Variants in SHTN1 observed in about 807,000 individuals in gnomAD.
SHTN1 encodes the protein shootin-1.
SHTN1 carries 42 observed loss-of-function variants against 83.1 expected under a neutral mutation model. The ratio of observed to expected loss-of-function variants is 0.51; its 90% CI spans 0.39 to 0.65. The LOEUF (loss-of-function observed/expected upper bound fraction) is 0.65, where lower values mean the gene tolerates loss of function less well. Ranked by LOEUF, SHTN1 falls within the 30% of genes least tolerant of loss-of-function variation. The pLI is 0.00. For synonymous variants in SHTN1, 224 were observed against 247.7 expected (o/e 0.90, Z 0.90); for missense variants, 622 against 737.8 (o/e 0.84, Z 1.82).
In SHTN1 at chr10:116,885,786, TG is replaced by T. The variant is rs1847146845; in HGVS notation, c.*557del. The T allele has an allele frequency of 1.3e-5, 2 of 154,042 alleles. No homozygotes were observed. The highest frequency in any genetic ancestry group is 4.8e-5 in the African/African-American group (2 of 41,370). The allele number at this position is 154,042 out of a possible 1,614,324, so 9.5% of individuals were successfully genotyped here. On this transcript the variant is annotated 3_prime_UTR_variant, in exon 17 of 17. Transcript: ENST00000355371. ...CAATGTGTGTAATTAACACTGACTA[TG>T]GGACTACGAGTTTGATGCCAGCTCC...
In SHTN1 at chr10:117,012,349, A is replaced by C. The variant is rs72833425; in HGVS notation, c.-122-33041T>G. On this transcript the variant is annotated intron_variant, in intron 2 of 17. Transcript: ENST00000392901. ...AGAACAAAGTTGGAGGACTCACGCT[A>C]CCTGATTTCCAAGACTAACTATAAA... is the stretch of plus-strand genomic sequence containing the variant. Among the ~76,000 whole-genome samples the C allele has an allele frequency of 9.9e-3, 1,505 of 152,258 alleles. 18 individuals carry two copies. The highest frequency in any genetic ancestry group is 0.024 in the South Asian group (115 of 4,832).
chr10:116,937,233 G>A (rs144144255), intron 9 of SHTN1, among the ~76,000 whole-genome samples: 103 of 152,224 alleles, frequency 6.8e-4, no homozygotes, highest in African/African-American at 2.3e-3. Context: ...TTTGCTATTA[G>A]GTTATGCAGT....
chr10:116,938,702 A>G (rs1025342061), intron 9 of SHTN1, among the ~76,000 whole-genome samples: 5 of 152,222 alleles, frequency 3.3e-5, no homozygotes, highest in Admixed American at 6.5e-5. Context: ...CTGCGCTGGG[A>G]AATCTGCTGC....
At chr10:116,953,091 A>G (rs1307217132) in intron 5 of SHTN1, among the ~76,000 whole-genome samples, 2 of 152,180 alleles carry the variant, frequency 1.3e-5, no homozygotes, top group African/African-American at 4.8e-5. Flanking sequence ...TTTCTTCTTT[A>G]TACTTCCAGT....
chr10:117,118,779 G>C (rs1383154557), intron 1 of SHTN1, among the ~76,000 whole-genome samples: 1 of 152,168 alleles, frequency 6.6e-6, no homozygotes, highest in Non-Finnish European at 1.5e-5. Context: ...GCCTGTTGGA[G>C]GATGGGTCTG....
chr10:116,881,669 G>A lies in SHTN1; in HGVS notation c.*4675C>T, dbSNP rs776086388. The A allele has an allele frequency of 8.4e-5, 128 of 1,518,858 alleles. 1 individual carries two copies. In the South Asian group the frequency reaches 1.5e-3, roughly 18 times the overall value. 94.1% of individuals were successfully genotyped at this position (1,518,858 alleles called of 1,614,324 possible). A position where few individuals can be genotyped will look rare whatever the true frequency, so the allele number is the denominator to read the frequency against. ...CCGAAACAGGAGCATCCTCTGGATA[G>A]GGCTGTACACACCCCAGGTTCCAGC... On this transcript the variant is annotated 3_prime_UTR_variant, in exon 17 of 17. Transcript: ENST00000355371.
intron 3 of SHTN1, among the ~76,000 whole-genome samples, chr10:116,961,357 T>C (rs1850180382): frequency 6.6e-6 from 1 of 152,172 alleles, no homozygotes; most frequent in Non-Finnish European, 1.5e-5. Flanking sequence ...AAAGCAGCAC[T>C]AAATGGCCAG....
chr10:117,119,892 T>C (rs1043691937), intron 1 of SHTN1, among the ~76,000 whole-genome samples: 12 of 151,432 alleles, frequency 7.9e-5, no homozygotes, highest in African/African-American at 2.9e-4. Context: ...TGGATGGAAC[T>C]GGAGGTCATT....
intron 1 of SHTN1, among the ~76,000 whole-genome samples, chr10:117,061,222 C>T (rs553310378): frequency 1.3e-5 from 2 of 150,218 alleles, no homozygotes; most frequent in East Asian, 4.0e-4. Flanking sequence ...TCCTGGCTCA[C>T]TGCAACCTCC....
chr10:117,065,014 A>G (rs1164718792), intron 1 of SHTN1, among the ~76,000 whole-genome samples: 1 of 152,130 alleles, frequency 6.6e-6, no homozygotes, highest in Non-Finnish European at 1.5e-5. Context: ...CACCTCACTT[A>G]AGAAAGGTGG....
At chr10:117,030,911 AGGTAGAAAAAAATATGG>A (rs1852406097) in intron 2 of SHTN1, among the ~76,000 whole-genome samples, 1 of 152,164 alleles carries the variant, frequency 6.6e-6, no homozygotes. Flanking sequence ...CTTAAAGAAG[AGGTAGAAAAAAATATGG>A]GGTAGAAAGT....
intron 1 of SHTN1, among the ~76,000 whole-genome samples, chr10:117,065,681 G>A (rs1210284501): frequency 6.8e-6 from 1 of 146,172 alleles, no homozygotes. Context: ...TAGCACCACT[G>A]CAGTCTAGCC....
chr10:116,987,043 A>G (rs1655384818), intron 1 of SHTN1, among the ~76,000 whole-genome samples: 1 of 151,952 alleles, frequency 6.6e-6, no homozygotes, highest in South Asian at 2.1e-4. Context: ...TTTAAAAGGA[A>G]AATAAGGTAG....
intron 3 of SHTN1, among the ~76,000 whole-genome samples, chr10:116,962,893 C>CATAT (rs1850233102): frequency 6.6e-6 from 1 of 152,038 alleles, no homozygotes; most frequent in Non-Finnish European, 1.5e-5. Flanking sequence ...GTTCTAGGTT[C>CATAT]ATATGGGAAG....
intron 1 of SHTN1, among the ~76,000 whole-genome samples, chr10:117,093,094 CATTAGT>C: frequency 6.6e-6 from 1 of 152,186 alleles, no homozygotes; most frequent in Non-Finnish European, 1.5e-5. Flanking sequence ...TATCTACTAT[CATTAGT>C]ATTACTATCC....
chr10:117,088,537 G>C (rs1406662427), intron 1 of SHTN1, among the ~76,000 whole-genome samples: 1 of 152,162 alleles, frequency 6.6e-6, no homozygotes, highest in African/African-American at 2.4e-5. Context: ...AGCTAGAAGG[G>C]AAGAAGAAGC....
chr10:117,086,424 T>A (rs1157816526), intron 1 of SHTN1, among the ~76,000 whole-genome samples: 1 of 152,210 alleles, frequency 6.6e-6, no homozygotes, highest in Non-Finnish European at 1.5e-5. Context: ...CATTGATGTA[T>A]TAGACCATTC....
Position 117,005,143 on chromosome 10 carries a change from G to A in SHTN1, c.-64C>T, listed in dbSNP as rs1851969518. 3.9e-6 allele frequency: 6 copies of A among 1,555,230 alleles called. No homozygotes were observed. The highest frequency in any genetic ancestry group is 1.7e-4 in the Middle Eastern group (1 of 5,828). Reference sequence around the variant, plus strand: ...GCGGCGCGGGGCACACAGGAGGAGGGGGAAGAAAAAGCAAGATGCCGGTGG... The same window carrying A: ...GCGGCGCGGGGCACACAGGAGGAGGAGGAAGAAAAAGCAAGATGCCGGTGG... On this transcript the variant is annotated 5_prime_UTR_variant, in exon 1 of 17. Coordinates refer to ENST00000355371, the MANE Select transcript of SHTN1 (RefSeq NM_001127211.3).
intron 2 of SHTN1, among the ~76,000 whole-genome samples, chr10:117,015,394 C>T (rs758059031): frequency 9.2e-5 from 14 of 152,144 alleles, no homozygotes; most frequent in Admixed American, 3.9e-4. Context: ...TGCAATGGCA[C>T]GATCTCAGCT....
Sources: allele counts gnomAD v4.1 joint callset (sites outside exome capture counted in the v4.1 genomes callset), GRCh38; gene constraint gnomAD v4.1.1; transcripts MANE v1.5; gene names NCBI Gene and HGNC (gene_info 2026-07-23, HGNC 2026-07-21).